SEC14L1: variants seen among roughly 807,000 people sequenced by gnomAD.
SEC14L1 encodes SEC14-like protein 1.
Under a neutral mutation model 85.3 loss-of-function variants are expected in SEC14L1, and 48 were observed. The ratio of observed to expected loss-of-function variants is 0.56; its 90% CI spans 0.45 to 0.72. SEC14L1 has a LOEUF of 0.72. SEC14L1 is among the 30% of genes least tolerant of loss of function. The pLI, the probability that SEC14L1 is intolerant of heterozygous loss-of-function variation, is 0.00. For synonymous variants in SEC14L1, 391 were observed against 355.5 expected, an observed-to-expected ratio of 1.10 and a Z score of -1.12; for missense variants, 682 against 921.4, an observed-to-expected ratio of 0.74 and a Z score of 3.36.
At chr17:77,205,880 C>G (rs757318062) in intron 11 of SEC14L1, among the ~76,000 whole-genome samples, 6 of 152,278 alleles carry the variant, frequency 3.9e-5, no homozygotes, top group Non-Finnish European at 5.9e-5. Context: ...TGTTAAAATA[C>G]CAGCTGTGTG....
intron 3 of SEC14L1, among the ~76,000 whole-genome samples, chr17:77,113,827 G>T (rs1004710471): frequency 2.0e-5 from 3 of 152,154 alleles, no homozygotes; most frequent in African/African-American, 7.2e-5. Flanking sequence ...GACACTGCTG[G>T]GGTGAAGAAG....
chr17:77,212,369 G>A (rs919918065), intron 15 of SEC14L1, among the ~76,000 whole-genome samples, 168 bp downstream of exon 15: 11 of 152,168 alleles, frequency 7.2e-5, no homozygotes, highest in African/African-American at 1.4e-4. Context: ...AGTGGGTCTC[G>A]TAGGAAGGAG....
intron 3 of SEC14L1, among the ~76,000 whole-genome samples, chr17:77,154,621 C>T (rs1264027884): frequency 6.8e-6 from 1 of 146,622 alleles, no homozygotes; most frequent in Non-Finnish European, 1.5e-5. Flanking sequence ...TCTACTGGCC[C>T]CTTCTGGTTT....
intron 3 of SEC14L1, among the ~76,000 whole-genome samples, chr17:77,104,341 T>C (rs1971854670): frequency 1.3e-5 from 2 of 148,918 alleles, no homozygotes; most frequent in Admixed American, 1.3e-4. Context: ...CAGAATGGTC[T>C]CAATCTCCTG....
intron 8 of SEC14L1, 45 bp from the exon 9 acceptor site, chr17:77,200,439 T>C (rs1272547558): frequency 6.5e-7 from 1 of 1,549,712 alleles, no homozygotes; most frequent in African/African-American, 1.4e-5. Flanking sequence ...AAAGTTCCCT[T>C]CACAACTTTT....
chr17:77,203,524 T>G, intron 9 of SEC14L1, 46 bp from the exon 10 acceptor site: 2 of 1,520,544 alleles, frequency 1.3e-6, no homozygotes, highest in Non-Finnish European at 1.8e-6. Context: ...ATCCTCAGTT[T>G]CAACTGGGAT....
chr17:77,194,833 G>A lies in SEC14L1; in HGVS notation c.631G>A (p.Ala211Thr), dbSNP rs757832642. ...GTCCATGGCCGTCGTCATCCCAGAA[G>A]CTGCCCTCAAGGAGGGGCTGAGTGG... is the stretch of plus-strand genomic sequence containing the variant. ...AASMAVVIPE[A>T]ALKEGLSGDA... is the part of the protein sequence containing the mutation. Residue 211 changes from alanine to threonine, a missense_variant, in exon 7 of 17, where the codon GCT becomes ACT. Ala to Thr is a moderately conservative substitution (Grantham distance 58). This residue lies in a region of SEC14L1 where 123 missense variants were observed against 100.6 expected (regional missense o/e 1.22). Transcript: ENST00000436233. 3.7e-5 allele frequency: 59 copies of A among 1,614,116 alleles called. No individual in the cohort carries two copies. Among genetic ancestry groups the A allele is most frequent in the Middle Eastern group, 3.3e-4 (2 of 6,084 alleles).
chr17:77,161,817 G>T (rs917786640), intron 3 of SEC14L1, among the ~76,000 whole-genome samples: 2 of 149,730 alleles, frequency 1.3e-5, no homozygotes, highest in Non-Finnish European at 3.0e-5. Context: ...TGCCTGGTTG[G>T]CTCAAGTACT....
intron 3 of SEC14L1, among the ~76,000 whole-genome samples, chr17:77,119,838 G>A (rs867062496): frequency 8.5e-5 from 13 of 152,116 alleles, no homozygotes; most frequent in African/African-American, 2.9e-4. Context: ...ACTATGAGAA[G>A]AATTAGAACC....
intron 3 of SEC14L1, among the ~76,000 whole-genome samples, chr17:77,120,494 T>C (rs1188370621): frequency 6.6e-6 from 1 of 152,128 alleles, no homozygotes; most frequent in Non-Finnish European, 1.5e-5. Flanking sequence ...TTTTTTTTTT[T>C]TTAATGAAGT....
intron 10 of SEC14L1, among the ~76,000 whole-genome samples, chr17:77,204,522 C>CCTTTTTT (rs1555628453): frequency 4.7e-5 from 4 of 84,728 alleles, no homozygotes; most frequent in African/African-American, 4.0e-5. Context: ...GCCCAGCCAG[C>CCTTTTTT]TTTTTTTTTT....
At position 77,193,409 on chromosome 17, in the gene SEC14L1, C is replaced by T; in HGVS notation, c.346-12C>T. 1 of 1,590,886 alleles carries T rather than the reference C, an allele frequency of 6.3e-7. No individual in the cohort carries two copies. Among genetic ancestry groups the T allele is most frequent in the Non-Finnish European group, 8.6e-7 (1 of 1,164,154 alleles). On this transcript the variant is annotated splice_polypyrimidine_tract_variant and intron_variant, in intron 5 of 16. Coordinates refer to ENST00000436233, the MANE Select transcript of SEC14L1 (RefSeq NM_001143998.2). ...AATTCAGTCAGTGAGAGTGCTTTCT[C>T]TTTATCTGCAGGTTCACCCTGAAAA... is the stretch of plus-strand genomic sequence containing the variant.
chr17:77,105,379 C>CG lies in SEC14L1; in HGVS notation c.-136+12032_-136+12033insG, dbSNP rs201296966. On this transcript the variant is annotated intron_variant, in intron 3 of 19. Coordinates refer to the SEC14L1 transcript ENST00000392476. ...GACATGCTCCTCGCTGACCACCCCCCCCCCCACCCCACGTAAAAAGAGTTC... is the reference window on the plus strand; with the variant it reads ...GACATGCTCCTCGCTGACCACCCCCCGCCCCCACCCCACGTAAAAAGAGTTC... 3.2e-3 allele frequency among the ~76,000 whole-genome samples: 345 copies of CG among 107,592 alleles called. 3 individuals carry two copies. Among genetic ancestry groups the CG allele is most frequent in the Non-Finnish European group, 3.7e-3 (199 of 54,152 alleles). The allele number at this position is 107,592 out of a possible 152,430, so 70.6% of individuals were successfully genotyped here.
intron 3 of SEC14L1, among the ~76,000 whole-genome samples, chr17:77,184,193 T>G (rs553629955): frequency 1.1e-3 from 161 of 152,346 alleles, no homozygotes; most frequent in African/African-American, 3.6e-3. Context: ...TCTGTGGCTG[T>G]CCTGTTGCTG....
At chr17:77,101,088 C>A (rs1161407526) in intron 3 of SEC14L1, among the ~76,000 whole-genome samples, 1 of 152,138 alleles carries the variant, frequency 6.6e-6, no homozygotes, top group Non-Finnish European at 1.5e-5. Flanking sequence ...TCTTGCCAGT[C>A]TCTACCCAGA....
At position 77,203,594 on chromosome 17, in the gene SEC14L1, G is replaced by C. The variant is rs1370100238; in HGVS notation, c.1034G>C (p.Arg345Thr). 1 of 1,613,876 alleles carries C rather than the reference G, an allele frequency of 6.2e-7. No individual in the cohort carries two copies. Among genetic ancestry groups the C allele is most frequent in the East Asian group, 2.2e-5 (1 of 44,864 alleles). ...GATGGGCGGCCCCTCTACGTGCTCA[G>C]GCTGGGGCAGATGGACACCAAAGGC... Reference protein sequence around the residue: ...DKDGRPLYVLRLGQMDTKGLV... With the variant: ...DKDGRPLYVLTLGQMDTKGLV... Residue 345 changes from arginine to threonine, a missense_variant, in exon 10 of 17, where the codon AGG (arginine) becomes ACG (threonine). Physicochemically the swap from Arg to Thr is moderately conservative, Grantham distance 71. Coordinates refer to ENST00000436233, the MANE Select transcript of SEC14L1 (RefSeq NM_001143998.2).
At chr17:77,122,216 T>C (rs1972317643) in intron 3 of SEC14L1, among the ~76,000 whole-genome samples, 1 of 152,262 alleles carries the variant, frequency 6.6e-6, no homozygotes, top group Non-Finnish European at 1.5e-5. Flanking sequence ...AAATCAGTTG[T>C]TTAAGAGAGA....
At chr17:77,176,419 ACT>A (rs1004660097) in intron 3 of SEC14L1, among the ~76,000 whole-genome samples, 3 of 151,942 alleles carry the variant, frequency 2.0e-5, no homozygotes, top group Non-Finnish European at 2.9e-5. Flanking sequence ...TTTACCCAGG[ACT>A]CTCTCCAGAT....
intron 3 of SEC14L1, among the ~76,000 whole-genome samples, chr17:77,129,597 C>G (rs1350090974): frequency 6.6e-6 from 1 of 152,158 alleles, no homozygotes; most frequent in African/African-American, 2.4e-5. Context: ...ATGATCTTCT[C>G]TTTCACCCAC....
Sources: allele counts gnomAD v4.1 joint callset (sites outside exome capture counted in the v4.1 genomes callset), GRCh38; gene constraint gnomAD v4.1.1; regional missense constraint gnomAD v4.1.1; transcripts MANE v1.5; gene names NCBI Gene and HGNC (gene_info 2026-07-23, HGNC 2026-07-21).